Variants in DOCK3 observed in about 807,000 individuals in gnomAD.
The protein encoded by DOCK3 is dedicator of cytokinesis protein 3.
A neutral mutation model predicts 265.6 loss-of-function variants in DOCK3; 60 were observed. The observed-to-expected ratio is 0.23, with a 90% CI of 0.18 to 0.28. The LOEUF (loss-of-function observed/expected upper bound fraction) is 0.28, where lower values mean the gene tolerates loss of function less well. DOCK3 is among the 10% of genes least tolerant of loss of function. The pLI is 1.00. For missense variants in DOCK3, 1,981 were observed against 2,594.3 expected (o/e 0.76, Z 5.14); for synonymous variants, 881 against 938.0 (o/e 0.94, Z 1.11).
At chr3:50,862,427 G>C (rs75460790) in intron 3 of DOCK3, among the ~76,000 whole-genome samples, 745 of 152,324 alleles carry the variant, frequency 4.9e-3, no homozygotes, top group Non-Finnish European at 7.5e-3. Flanking sequence ...AGTAAGAGCT[G>C]GTTCTCCCTT....
intron 29 of DOCK3, 46 bp from the exon 30 acceptor site, chr3:51,312,430 A>T (rs750458749): frequency 6.5e-7 from 1 of 1,539,588 alleles, no homozygotes; most frequent in Non-Finnish European, 9.0e-7. Flanking sequence ...TCCCTACAAG[A>T]TTAAGTTCTT....
intron 12 of DOCK3, among the ~76,000 whole-genome samples, chr3:51,202,844 G>A (rs542520644): frequency 6.6e-6 from 1 of 151,438 alleles, no homozygotes; most frequent in East Asian, 1.9e-4. Context: ...TTCATGCTGG[G>A]ATGCAAGGCT....
chr3:51,076,833 A>G (rs1172799620), intron 7 of DOCK3, among the ~76,000 whole-genome samples: 1 of 152,200 alleles, frequency 6.6e-6, no homozygotes, highest in Non-Finnish European at 1.5e-5. Context: ...CACACAGCAT[A>G]TGGAAGTGGC....
intron 3 of DOCK3, among the ~76,000 whole-genome samples, chr3:50,860,689 C>T (rs931824846): frequency 4.6e-5 from 7 of 152,194 alleles, no homozygotes; most frequent in African/African-American, 1.7e-4. Context: ...CTCCAAAGCC[C>T]AAAGTCTGGA....
intron 27 of DOCK3, among the ~76,000 whole-genome samples, chr3:51,301,288 CTCTTT>C (rs1348090453): frequency 4.6e-5 from 7 of 151,918 alleles, no homozygotes; most frequent in Non-Finnish European, 1.0e-4. Flanking sequence ...TGATTCTTCT[CTCTTT>C]TCTTCTTTAT....
chr3:50,744,698 G>A (rs1210742820), intron 1 of DOCK3, among the ~76,000 whole-genome samples: 1 of 152,196 alleles, frequency 6.6e-6, no homozygotes, highest in East Asian at 1.9e-4. Flanking sequence ...GCCTCCCAAA[G>A]TGTTGGGGTT....
chr3:51,142,176 A>G (rs911331223), intron 9 of DOCK3, among the ~76,000 whole-genome samples: 1 of 152,096 alleles, frequency 6.6e-6, no homozygotes, highest in Admixed American at 6.5e-5. Flanking sequence ...TTCTCCTTCT[A>G]TAAGCCTTGT....
chr3:50,790,325 G>A (rs1576442017), intron 2 of DOCK3, among the ~76,000 whole-genome samples: 1 of 152,026 alleles, frequency 6.6e-6, no homozygotes, highest in African/African-American at 2.4e-5. Flanking sequence ...GAGACGTGAG[G>A]TACTATTCTG....
At chr3:51,099,540 C>T (rs1264594284) in intron 9 of DOCK3, among the ~76,000 whole-genome samples, 1 of 151,980 alleles carries the variant, frequency 6.6e-6, no homozygotes, top group African/African-American at 2.4e-5. Flanking sequence ...TGATGCGTCT[C>T]ACATATCAAA....
At chr3:50,861,376 C>T (rs2046902021) in intron 3 of DOCK3, among the ~76,000 whole-genome samples, 1 of 152,168 alleles carries the variant, frequency 6.6e-6, no homozygotes, top group Non-Finnish European at 1.5e-5. Context: ...AAGAATGTCC[C>T]ATGCGCAGAT....
At chr3:51,108,262 A>G (rs2083373273) in intron 9 of DOCK3, among the ~76,000 whole-genome samples, 1 of 152,192 alleles carries the variant, frequency 6.6e-6, no homozygotes, top group African/African-American at 2.4e-5. Flanking sequence ...AGGAAATCTC[A>G]GCAAAGAATT....
chr3:50,819,944 A>G (rs2044305950), intron 2 of DOCK3, among the ~76,000 whole-genome samples: 1 of 152,306 alleles, frequency 6.6e-6, no homozygotes, highest in East Asian at 1.9e-4. Context: ...CTTGGGCGAG[A>G]GAGCAAGACT....
chr3:51,104,436 A>G (rs1236174445), intron 9 of DOCK3, among the ~76,000 whole-genome samples: 1 of 152,178 alleles, frequency 6.6e-6, no homozygotes, highest in African/African-American at 2.4e-5. Context: ...CTTGGGTTTT[A>G]ACCTGTTCAC....
chr3:51,269,632 G>A (rs1253123279), intron 23 of DOCK3, among the ~76,000 whole-genome samples: 2 of 152,152 alleles, frequency 1.3e-5, no homozygotes, highest in Non-Finnish European at 2.9e-5. Flanking sequence ...TCCCTCCCCA[G>A]CCTGCCATTT....
chr3:50,905,468 G>C (rs2049437896), intron 4 of DOCK3, among the ~76,000 whole-genome samples: 1 of 151,966 alleles, frequency 6.6e-6, no homozygotes, highest in Admixed American at 6.6e-5. Context: ...TCCTTGAAGA[G>C]GTCCTTCACA....
chr3:51,357,776 T>A lies in DOCK3; in HGVS notation c.4702T>A (p.Tyr1568Asn). 1 of 1,613,982 alleles carries A rather than the reference T, an allele frequency of 6.2e-7. No individual in the cohort carries two copies. Among genetic ancestry groups the A allele is most frequent in the Non-Finnish European group, 8.5e-7 (1 of 1,179,874 alleles). The change falls in exon 45 of 53, where the codon TAC (tyrosine) becomes AAC (asparagine). Residue 1568 changes from tyrosine (Y) to asparagine (N), a missense_variant. Coordinates refer to ENST00000266037, the MANE Select transcript of DOCK3 (RefSeq NM_004947.5). ...RYQEAFFDKD[Y>N]INKHPGDAEK... The stretch of plus-strand genomic sequence containing the variant: ...TTCACAGGCCTTCTTTGATAAAGAT[T>A]ACATCAACAAGCACCCAGGAGATGC...
chr3:51,360,655 G>T (rs560790404), intron 47 of DOCK3, 23 bp downstream of exon 47: 1 of 1,613,232 alleles, frequency 6.2e-7, no homozygotes, highest in East Asian at 2.2e-5. Context: ...GGCTGGGGAG[G>T]GTTCCCTCTG....
At chr3:50,966,502 CTTTTTT>C (rs531569343) in intron 5 of DOCK3, among the ~76,000 whole-genome samples, 1 of 114,940 alleles carries the variant, frequency 8.7e-6, no homozygotes, top group African/African-American at 3.2e-5. Context: ...TTTTTTCTTC[CTTTTTT>C]TTTTTTTTTG....
chr3:50,723,491 C>T (rs550119138), intron 1 of DOCK3, among the ~76,000 whole-genome samples: 6 of 151,916 alleles, frequency 3.9e-5, no homozygotes, highest in East Asian at 3.9e-4. Flanking sequence ...GCCAACATCG[C>T]GAAACCTCGT....
Sources: allele counts gnomAD v4.1 joint callset (sites outside exome capture counted in the v4.1 genomes callset), GRCh38; gene constraint gnomAD v4.1.1; transcripts MANE v1.5; gene names NCBI Gene and HGNC (gene_info 2026-07-23, HGNC 2026-07-21).